CNTN5: variants seen among roughly 807,000 people sequenced by gnomAD.
CNTN5 encodes contactin-5.
CNTN5 carries 77 observed loss-of-function variants against 129.1 expected under a neutral mutation model. The ratio of observed to expected loss-of-function variants is 0.60; its 90% CI spans 0.50 to 0.72. The LOEUF (loss-of-function observed/expected upper bound fraction) is 0.72, where lower values mean the gene tolerates loss of function less well. Ranked by LOEUF, CNTN5 falls within the 30% of genes least tolerant of loss-of-function variation. The pLI is 0.00. For missense variants in CNTN5, 1,478 were observed against 1,328.8 expected (o/e 1.11, Z -1.75); for synonymous variants, 509 against 465.6 (o/e 1.09, Z -1.20).
chr11:99,715,239 A>G (rs765465206), intron 3 of CNTN5, among the ~76,000 whole-genome samples: 1 of 151,968 alleles, frequency 6.6e-6, no homozygotes, highest in Non-Finnish European at 1.5e-5. Flanking sequence ...TCGCAATTAC[A>G]TAGTGAAAGT....
chr11:99,566,364 T>G (rs1949006118), intron 3 of CNTN5, among the ~76,000 whole-genome samples: 1 of 152,200 alleles, frequency 6.6e-6, no homozygotes, highest in African/African-American at 2.4e-5. Context: ...GTGAGCCAAT[T>G]AAGCCTCTCT....
chr11:99,707,964 A>G (rs888205843), intron 3 of CNTN5, among the ~76,000 whole-genome samples: 1 of 151,680 alleles, frequency 6.6e-6, no homozygotes, highest in African/African-American at 2.4e-5. Flanking sequence ...TGCTTTTAAG[A>G]GAGGTTTTGA....
intron 13 of CNTN5, among the ~76,000 whole-genome samples, chr11:100,164,644 C>A (rs1259124593): frequency 7.3e-5 from 11 of 151,554 alleles, no homozygotes; most frequent in Non-Finnish European, 1.5e-5. Flanking sequence ...AGTTGTATTT[C>A]AATAACAGAA....
chr11:99,616,714 T>C (rs530778907), intron 3 of CNTN5, among the ~76,000 whole-genome samples: 1 of 152,240 alleles, frequency 6.6e-6, no homozygotes, highest in African/African-American at 2.4e-5. Context: ...AAAACTGATA[T>C]AGATGATGAT....
chr11:99,994,623 T>C lies in CNTN5; in HGVS notation c.878-7411T>C, dbSNP rs899081361. 6.6e-5 allele frequency among the ~76,000 whole-genome samples: 10 copies of C among 152,180 alleles called. No homozygotes were observed. In the South Asian group the frequency reaches 1.2e-3, roughly 19 times the overall value. On this transcript the variant is annotated intron_variant, in intron 8 of 24. Transcript: ENST00000524871. ...AAGCATCATGATAAATCAGGTGTTA[T>C]TGTGTCATCAGATTAACAGGTAGAA...
At chr11:99,802,505 G>C (rs1235925687) in intron 3 of CNTN5, among the ~76,000 whole-genome samples, 1 of 152,220 alleles carries the variant, frequency 6.6e-6, no homozygotes, top group Non-Finnish European at 1.5e-5. Flanking sequence ...GTGTGCCTCA[G>C]CATGGAGCTG....
intron 1 of CNTN5, among the ~76,000 whole-genome samples, chr11:99,024,375 G>A (rs1381660189): frequency 1.3e-5 from 2 of 151,904 alleles, no homozygotes; most frequent in Non-Finnish European, 2.9e-5. Context: ...TTAATACAGT[G>A]GCTATAAAAG....
chr11:99,754,013 C>CA (rs1287350967), intron 3 of CNTN5, among the ~76,000 whole-genome samples: 6 of 150,268 alleles, frequency 4.0e-5, no homozygotes, highest in African/African-American at 9.8e-5. Context: ...ATAACAACAA[C>CA]AAAAAAACAA....
At chr11:100,233,097 C>G (rs1310431311) in intron 16 of CNTN5, among the ~76,000 whole-genome samples, 1 of 152,098 alleles carries the variant, frequency 6.6e-6, no homozygotes, top group Non-Finnish European at 1.5e-5. Flanking sequence ...TGAGTAGACT[C>G]CAGGCAGACC....
At chr11:99,693,005 A>T (rs897758320) in intron 3 of CNTN5, among the ~76,000 whole-genome samples, 1 of 152,180 alleles carries the variant, frequency 6.6e-6, no homozygotes, top group Admixed American at 6.5e-5. Flanking sequence ...AATGAAAGCA[A>T]TATTTAAATA....
chr11:100,050,114 C>T (rs1050496788), intron 9 of CNTN5, among the ~76,000 whole-genome samples: 1 of 152,120 alleles, frequency 6.6e-6, no homozygotes, highest in African/African-American at 2.4e-5. Flanking sequence ...ACCCAGCCAT[C>T]CCATTACTGG....
intron 3 of CNTN5, among the ~76,000 whole-genome samples, chr11:99,763,158 ATATT>A (rs1177299422): frequency 8.5e-5 from 13 of 152,064 alleles, no homozygotes; most frequent in Non-Finnish European, 1.9e-4. Flanking sequence ...TGAATTTTTC[ATATT>A]TACTTAAATG....
chr11:99,555,461 G>C (rs1220099213), intron 2 of CNTN5, among the ~76,000 whole-genome samples: 1 of 151,856 alleles, frequency 6.6e-6, no homozygotes, highest in Non-Finnish European at 1.5e-5. Flanking sequence ...GGAAAAAAAG[G>C]AACCAAATAT....
At chr11:99,157,283 A>G (rs1470242117) in intron 1 of CNTN5, among the ~76,000 whole-genome samples, 2 of 152,090 alleles carry the variant, frequency 1.3e-5, no homozygotes, top group African/African-American at 4.8e-5. Context: ...AAATCTCCTC[A>G]TAAATCATTT....
chr11:99,205,946 A>G (rs905854454), intron 1 of CNTN5, among the ~76,000 whole-genome samples: 1 of 152,264 alleles, frequency 6.6e-6, no homozygotes, highest in African/African-American at 2.4e-5. Flanking sequence ...GTGATAGACT[A>G]TATGACTTGA....
intron 1 of CNTN5, among the ~76,000 whole-genome samples, chr11:99,035,379 C>T (rs911662731): frequency 2.0e-5 from 3 of 152,090 alleles, no homozygotes; most frequent in Non-Finnish European, 2.9e-5. Flanking sequence ...GTGTTAAAGT[C>T]TCCCACTGTT....
chr11:99,731,939 A>G (rs1466481057), intron 3 of CNTN5, among the ~76,000 whole-genome samples: 2 of 152,222 alleles, frequency 1.3e-5, no homozygotes, highest in Admixed American at 6.5e-5. Flanking sequence ...CTAGAACAAT[A>G]GGAGGAATTA....
At chr11:99,905,793 GT>G (rs879302942) in intron 6 of CNTN5, among the ~76,000 whole-genome samples, 2 of 152,072 alleles carry the variant, frequency 1.3e-5, no homozygotes, top group Non-Finnish European at 2.9e-5. Context: ...TTTTCCATTT[GT>G]TTGTGTCCTC....
chr11:99,693,907 G>A (rs1167868339), intron 3 of CNTN5, among the ~76,000 whole-genome samples: 1 of 152,080 alleles, frequency 6.6e-6, no homozygotes, highest in Non-Finnish European at 1.5e-5. Flanking sequence ...ATATGTGCAT[G>A]TATCTAAGAT....
Sources: gnomAD v4.1 joint callset for allele counts (sites outside exome capture counted in the v4.1 genomes callset) on GRCh38, gnomAD v4.1.1 for gene constraint, MANE v1.5 for transcripts, NCBI Gene and HGNC (gene_info 2026-07-23, HGNC 2026-07-21) for gene names.